ZFAND6: variants seen among roughly 807,000 people sequenced by gnomAD.
ZFAND6 encodes the protein zinc finger AN1-type containing 6, also known as AN1-type zinc finger protein 6.
In ZFAND6, 12 loss-of-function variants were observed where a neutral mutation model predicts 24.5. That is an observed-to-expected ratio of 0.49 (90% confidence interval 0.31 to 0.79). ZFAND6 has a LOEUF of 0.79. Among genes scored for constraint, ZFAND6 ranks in the 30% least tolerant of loss-of-function variants. The pLI is 0.04. For synonymous variants in ZFAND6, 92 were observed against 81.5 expected (o/e 1.13, Z -0.69); for missense variants, 207 against 245.9 (o/e 0.84, Z 1.06).
At chr15:80,067,281 A>G (rs1369814807) in intron 1 of ZFAND6, among the ~76,000 whole-genome samples, 1 of 152,094 alleles carries the variant, frequency 6.6e-6, no homozygotes, top group African/African-American at 2.4e-5. Flanking sequence ...TACAAATAGC[A>G]TATATTATTT....
intron 5 of ZFAND6, among the ~76,000 whole-genome samples, chr15:80,127,192 A>T (rs938584474): frequency 1.3e-5 from 2 of 152,190 alleles, no homozygotes; most frequent in African/African-American, 4.8e-5. Context: ...TATATAAATA[A>T]TTACAATTCA....
At chr15:80,098,356 T>TA (rs1242671709) in intron 1 of ZFAND6, 60 bp from the exon 2 acceptor site, 1 of 152,256 alleles carries the variant, frequency 6.6e-6, no homozygotes, top group African/African-American at 2.4e-5. Flanking sequence ...TTTAGGTGGT[T>TA]AAAATGTGGT....
At chr15:80,115,822 T>C (rs186754702) in intron 2 of ZFAND6, among the ~76,000 whole-genome samples, 3 of 152,326 alleles carry the variant, frequency 2.0e-5, no homozygotes, top group Admixed American at 6.5e-5. Context: ...CAAACTTTAA[T>C]CTTAATGTTT....
chr15:80,124,215 C>T (rs1002308296), intron 5 of ZFAND6, among the ~76,000 whole-genome samples: 1 of 152,138 alleles, frequency 6.6e-6, no homozygotes, highest in Non-Finnish European at 1.5e-5. Flanking sequence ...GGGTGGATCA[C>T]GAGGTCAGGA....
chr15:80,135,113 T>G (rs757878171), intron 6 of ZFAND6, among the ~76,000 whole-genome samples: 17 of 152,228 alleles, frequency 1.1e-4, no homozygotes, highest in Non-Finnish European at 2.2e-4. Context: ...TTCTACCTAT[T>G]CAATGTAAAG....
In ZFAND6 at chr15:80,123,005, T is replaced by C. The variant is rs577250371; in HGVS notation, c.364+205T>C. 8 of 470,408 alleles carry C rather than the reference T, an allele frequency of 1.7e-5. 1 individual carries two copies. In the South Asian group the frequency reaches 2.6e-4, roughly 15 times the overall value. 29.1% of individuals were successfully genotyped at this position (470,408 alleles called of 1,614,324 possible). On this transcript the variant is annotated intron_variant, in intron 5 of 6. Coordinates refer to ENST00000261749, the MANE Select transcript of ZFAND6 (RefSeq NM_019006.4). ...CATGTAATTTTATCATCAGCATAAA[T>C]GTTGCAAATTCAAAATTTGTTTAGT...
At chr15:80,137,442 A>C (rs755217224) in intron 6 of ZFAND6, 38 bp from the exon 7 acceptor site, 1 of 1,572,260 alleles carries the variant, frequency 6.4e-7, no homozygotes, top group Non-Finnish European at 8.6e-7. Context: ...TTAATATTTC[A>C]TCCTTCAACT....
intron 1 of ZFAND6, among the ~76,000 whole-genome samples, chr15:80,089,259 GTTTTTTTT>G (rs71453501): frequency 3.3e-5 from 2 of 61,098 alleles, no homozygotes; most frequent in African/African-American, 6.8e-5. Context: ...GAGTGTGTGT[GTTTTTTTT>G]TTTTTTTTTT....
At chr15:80,073,520 C>G (rs998352295) in intron 1 of ZFAND6, among the ~76,000 whole-genome samples, 3 of 151,906 alleles carry the variant, frequency 2.0e-5, no homozygotes, top group Non-Finnish European at 4.4e-5. Context: ...CAAAAGCCAG[C>G]TAAGCATTTT....
In ZFAND6 at chr15:80,131,178, A is replaced by G; in HGVS notation, c.365-2A>G. ...ATTTTGCCACCTTCGTATTTTTGTT[A>G]GCTTCAGTATCAGACACAGCACAGC... On this transcript the variant is annotated splice_acceptor_variant, in intron 5 of 6. Coordinates refer to ENST00000261749, the MANE Select transcript of ZFAND6 (RefSeq NM_019006.4). LOFTEE classifies it high-confidence loss of function. 1 of 1,532,156 alleles carries G rather than the reference A, an allele frequency of 6.5e-7. No homozygotes were observed. The allele number at this position is 1,532,156 out of a possible 1,614,324, so 94.9% of individuals were successfully genotyped here.
At chr15:80,068,116 C>G (rs992417136) in intron 1 of ZFAND6, among the ~76,000 whole-genome samples, 1 of 149,652 alleles carries the variant, frequency 6.7e-6, no homozygotes, top group Admixed American at 6.6e-5. Context: ...CGAGCACCAC[C>G]GCGCCTGGCC....
At chr15:80,112,736 C>T in intron 2 of ZFAND6, 1 of 455,686 alleles carries the variant, frequency 2.2e-6, no homozygotes, top group Non-Finnish European at 4.4e-6. Context: ...TACTGCTGCT[C>T]CTTACCATCC....
chr15:80,113,707 C>T (rs995047579), intron 2 of ZFAND6, among the ~76,000 whole-genome samples: 2 of 151,926 alleles, frequency 1.3e-5, no homozygotes, highest in Non-Finnish European at 2.9e-5. Context: ...GTTTACTCAA[C>T]AAAATATTTT....
At chr15:80,061,006 T>C (rs990842089) in intron 1 of ZFAND6, among the ~76,000 whole-genome samples, 6 of 152,240 alleles carry the variant, frequency 3.9e-5, no homozygotes, top group Non-Finnish European at 7.3e-5. Context: ...GAATTTGATT[T>C]TTTAAAAGTG....
chr15:80,060,382 G>A lies in ZFAND6; in HGVS notation c.-181+573G>A, dbSNP rs1208201510. ...TTCCTGCTTGGGTTTAGCTTGCTTA[G>A]GATTCTAAATTTTTTGTCTGCTTTT... is the stretch of plus-strand genomic sequence containing the variant. On this transcript the variant is annotated intron_variant, in intron 1 of 6. Transcript: ENST00000261749. 5 of 151,786 alleles carry A rather than the reference G, an allele frequency of 3.3e-5. No individual in the cohort carries two copies. The East Asian group carries it at 9.8e-4, about 30-fold the overall frequency. 9.4% of individuals were successfully genotyped at this position (151,786 alleles called of 1,614,324 possible).
intron 1 of ZFAND6, among the ~76,000 whole-genome samples, chr15:80,068,434 C>T (rs972131346): frequency 2.0e-5 from 3 of 151,874 alleles, no homozygotes; most frequent in South Asian, 2.1e-4. Context: ...TACAGTGGCA[C>T]GATCTCGGCT....
chr15:80,100,024 C>A (rs561889945), intron 2 of ZFAND6, among the ~76,000 whole-genome samples: 40 of 152,218 alleles, frequency 2.6e-4, no homozygotes, highest in African/African-American at 8.4e-4. Flanking sequence ...TTCACTTTGC[C>A]CCATTATTTT....
intron 1 of ZFAND6, among the ~76,000 whole-genome samples, chr15:80,061,315 C>G (rs952034474): frequency 9.2e-5 from 14 of 152,160 alleles, no homozygotes; most frequent in Admixed American, 7.2e-4. Context: ...TTTTACACTT[C>G]AAATATGTGC....
At chr15:80,082,544 G>A (rs1400670569) in intron 1 of ZFAND6, among the ~76,000 whole-genome samples, 6 of 152,200 alleles carry the variant, frequency 3.9e-5, no homozygotes, top group Non-Finnish European at 7.3e-5. Context: ...GAGACTACCA[G>A]TTGTTGTTTT....
Sources: gnomAD v4.1 joint callset for allele counts (sites outside exome capture counted in the v4.1 genomes callset) on GRCh38, gnomAD v4.1.1 for gene constraint, MANE v1.5 for transcripts, NCBI Gene and HGNC (gene_info 2026-07-23, HGNC 2026-07-21) for gene names.